Variants in LRRFIP1 observed in about 807,000 individuals in gnomAD.
LRRFIP1 encodes LRR binding FLII interacting protein 1.
LRRFIP1 carries 62 observed loss-of-function variants against 104.4 expected under a neutral mutation model. The observed-to-expected ratio is 0.59, with a 90% CI of 0.48 to 0.73. The LOEUF (loss-of-function observed/expected upper bound fraction) is 0.73, where lower values mean the gene tolerates loss of function less well. LRRFIP1 is among the 30% of genes least tolerant of loss of function. LRRFIP1 has a pLI of 0.00. For synonymous variants in LRRFIP1, 300 were observed against 299.0 expected (o/e 1.00, Z -0.03); for missense variants, 796 against 824.5 (o/e 0.97, Z 0.42).
intron 1 of LRRFIP1, among the ~76,000 whole-genome samples, chr2:237,644,774 C>T (rs79309669): frequency 0.011 from 1,634 of 152,328 alleles, 29 homozygotes; most frequent in African/African-American, 0.038. Context: ...CAATCCATGA[C>T]GATTTCTCAG....
chr2:237,657,388 C>T (rs2086993766), intron 1 of LRRFIP1, among the ~76,000 whole-genome samples: 2 of 152,158 alleles, frequency 1.3e-5, no homozygotes, highest in South Asian at 4.1e-4. Context: ...GTCGAATCTC[C>T]ACCATGCCCC....
chr2:237,754,922 C>G (rs938919073), intron 15 of LRRFIP1, among the ~76,000 whole-genome samples: 1 of 152,198 alleles, frequency 6.6e-6, no homozygotes, highest in Non-Finnish European at 1.5e-5. Context: ...AATGCTGTCC[C>G]GAGATGGACA....
Position 237,757,980 on chromosome 2 carries a change from A to G in LRRFIP1, c.1224+432A>G, listed in dbSNP as rs563447430. ...CCCACTTTGAAATCTTCCCCAGGGA[A>G]GGTCTCCACATACCCTTCTCCCTCC... is the stretch of plus-strand genomic sequence containing the variant. On this transcript the variant is annotated intron_variant, in intron 17 of 23. Transcript: ENST00000308482. Among the ~76,000 whole-genome samples, 25 of 152,012 alleles carry G rather than the reference A, an allele frequency of 1.6e-4. No individual in the cohort carries two copies. The South Asian group carries it at 5.0e-3, about 30-fold the overall frequency.
At position 237,697,496 on chromosome 2, in the gene LRRFIP1, TC is replaced by T. The variant is rs536047718; in HGVS notation, c.97-11044del. ...ATTTTTCTGGGTATGATGTAACTCCTCCCCTACCTCATCCAAGTAGATAAGT... is the reference window on the plus strand; with the variant it reads ...ATTTTTCTGGGTATGATGTAACTCCTCCCTACCTCATCCAAGTAGATAAGT... On this transcript the variant is annotated intron_variant, in intron 1 of 23. Transcript: ENST00000308482. 2.6e-4 allele frequency among the ~76,000 whole-genome samples: 40 copies of T among 152,294 alleles called. No homozygotes were observed. The South Asian group carries it at 7.9e-3, about 30-fold the overall frequency.
At chr2:237,749,380 TTTAGA>T (rs1447089814) in intron 13 of LRRFIP1, 56 bp downstream of exon 13, 6 of 1,576,644 alleles carry the variant, frequency 3.8e-6, no homozygotes, top group Admixed American at 1.9e-5. Flanking sequence ...AAAATCAGTC[TTTAGA>T]TTAAAAAAAA....
chr2:237,774,594 T>G, intron 23 of LRRFIP1, 132 bp downstream of exon 23: 1 of 656,160 alleles, frequency 1.5e-6, no homozygotes, highest in East Asian at 2.7e-5. Flanking sequence ...CACACCACTC[T>G]GCAGTGCCGG....
chr2:237,707,634 C>T (rs954385236), intron 1 of LRRFIP1, among the ~76,000 whole-genome samples: 2 of 152,126 alleles, frequency 1.3e-5, no homozygotes, highest in African/African-American at 2.4e-5. Context: ...CTTATGCCAT[C>T]GAGCTTACGG....
chr2:237,711,423 G>A lies in LRRFIP1; in HGVS notation c.183+2793G>A, dbSNP rs888000126. Among the ~76,000 whole-genome samples, 5 of 152,234 alleles carry A rather than the reference G, an allele frequency of 3.3e-5. No individual in the cohort carries two copies. The highest frequency in any genetic ancestry group is 6.5e-5 in the Admixed American group (1 of 15,284). ...CGGCGGAACATCCGCCACTGAGAGC[G>A]GTGGTTTTGGTCTGTGCTCTCACCA... On this transcript the variant is annotated intron_variant, in intron 2 of 23. Transcript: ENST00000308482. The surrounding 1 kb of genome is among the most constrained non-coding windows in gnomAD (Gnocchi z 4.4).
chr2:237,731,964 T>G (rs968173336), intron 8 of LRRFIP1, among the ~76,000 whole-genome samples: 11 of 152,210 alleles, frequency 7.2e-5, no homozygotes, highest in African/African-American at 2.2e-4. Flanking sequence ...CAGTACGTGG[T>G]GCGTTTAATT....
At chr2:237,666,807 C>T (rs4268890) in intron 1 of LRRFIP1, among the ~76,000 whole-genome samples, 21 of 148,908 alleles carry the variant, frequency 1.4e-4, no homozygotes, top group East Asian at 1.0e-3. Flanking sequence ...CTCTTTCTTT[C>T]TCTTTCTTTC....
chr2:237,738,796 T>C (rs2095329779), intron 10 of LRRFIP1, among the ~76,000 whole-genome samples: 1 of 152,244 alleles, frequency 6.6e-6, no homozygotes, highest in Admixed American at 6.5e-5. Context: ...TGCTTCCACT[T>C]GGAAAGATAG....
Position 237,780,254 on chromosome 2 carries a change from G to C in LRRFIP1, c.*722G>C, listed in dbSNP as rs1191026744. 2 of 152,074 alleles carry C rather than the reference G, an allele frequency of 1.3e-5. No homozygotes were observed. Among genetic ancestry groups the C allele is most frequent in the Non-Finnish European group, 2.9e-5 (2 of 68,028 alleles). 9.4% of individuals were successfully genotyped at this position (152,074 alleles called of 1,614,324 possible). On this transcript the variant is annotated 3_prime_UTR_variant, in exon 24 of 24. Transcript: ENST00000308482. ...AATCCTTATATTTGGAATTGAAGTC[G>C]TTAACTTCTTTTAAAGAATGTACTA... is the stretch of plus-strand genomic sequence containing the variant.
intron 15 of LRRFIP1, 49 bp downstream of exon 15, chr2:237,753,528 G>A (rs370547302): frequency 8.9e-6 from 13 of 1,456,160 alleles, no homozygotes; most frequent in Non-Finnish European, 1.1e-5. Flanking sequence ...GCGTGCAGTG[G>A]CCCATGCCTG....
intron 1 of LRRFIP1, chr2:237,684,135 G>GA (rs2092121244): frequency 6.6e-6 from 1 of 151,066 alleles, no homozygotes; most frequent in Admixed American, 6.6e-5. Flanking sequence ...GGAATCTCTG[G>GA]AAAAAATACA....
intron 1 of LRRFIP1, among the ~76,000 whole-genome samples, chr2:237,666,838 CCTT>C (rs772636698): frequency 1.8e-5 from 2 of 111,834 alleles, no homozygotes; most frequent in African/African-American, 6.7e-5. Context: ...TGCCTTCCTG[CCTT>C]CTTTTTTCTT....
rs1213734715 is a variant in LRRFIP1 at position 237,744,834 on chromosome 2, C to T, written c.634-3530C>T. Among the ~76,000 whole-genome samples, 3 of 152,386 alleles carry T rather than the reference C, an allele frequency of 2.0e-5. No homozygotes were observed. In the East Asian group the frequency reaches 5.8e-4, roughly 29 times the overall value. On this transcript the variant is annotated intron_variant, in intron 11 of 23. Transcript: ENST00000308482. Reference sequence around the variant, plus strand: ...GTTCGGCGCTGTCGCCCTTCCCGTGCAGGAGGCCACTGTCTGCGGGGTCCG... The same window carrying T: ...GTTCGGCGCTGTCGCCCTTCCCGTGTAGGAGGCCACTGTCTGCGGGGTCCG...
In LRRFIP1 at chr2:237,649,507, G is replaced by C. The variant is rs2085539273; in HGVS notation, c.96+21767G>C. On this transcript the variant is annotated intron_variant, in intron 1 of 23. Transcript: ENST00000308482. This position sits in a 1 kb window ranked among gnomAD's most constrained non-coding sequence, Gnocchi z 4.1. ...GATTGTGCCATTGCACTCCAGCCTG[G>C]GCAACCAAGAGAGATTCTGTCTCAA... is the stretch of plus-strand genomic sequence containing the variant. Among the ~76,000 whole-genome samples, 1 of 151,998 alleles carries C rather than the reference G, an allele frequency of 6.6e-6. No individual in the cohort carries two copies. Among genetic ancestry groups the C allele is most frequent in the African/African-American group, 2.4e-5 (1 of 41,446 alleles).
At chr2:237,630,700 C>T (rs1437156015) in intron 1 of LRRFIP1, among the ~76,000 whole-genome samples, 1 of 152,206 alleles carries the variant, frequency 6.6e-6, no homozygotes, top group Non-Finnish European at 1.5e-5. Context: ...AGTATATTGG[C>T]TGGAGCACAG....
At chr2:237,710,361 G>A (rs1331270128) in intron 2 of LRRFIP1, among the ~76,000 whole-genome samples, 1 of 151,292 alleles carries the variant, frequency 6.6e-6, no homozygotes, top group Non-Finnish European at 1.5e-5. Flanking sequence ...TTGGCTCACT[G>A]CAACCTCCCT....
Sources: gnomAD v4.1 joint callset for allele counts (sites outside exome capture counted in the v4.1 genomes callset) on GRCh38, gnomAD v4.1.1 for gene constraint, Gnocchi (gnomAD v3.1) non-coding constraint, MANE v1.5 for transcripts, NCBI Gene and HGNC (gene_info 2026-07-23, HGNC 2026-07-21) for gene names.